ST6GALNAC3: variants seen among roughly 807,000 people sequenced by gnomAD.
The protein encoded by ST6GALNAC3 is alpha-N-acetylgalactosaminide alpha-2,6-sialyltransferase 3.
Under a neutral mutation model 32.7 loss-of-function variants are expected in ST6GALNAC3, and 25 were observed. The ratio of observed to expected loss-of-function variants is 0.76; its 90% CI spans 0.56 to 1.07. The LOEUF (loss-of-function observed/expected upper bound fraction) is 1.07, where lower values mean the gene tolerates loss of function less well. ST6GALNAC3 is among the 50% of genes least tolerant of loss of function. The pLI is 0.00. For missense variants in ST6GALNAC3, 355 were observed against 382.4 expected (o/e 0.93, Z 0.60); for synonymous variants, 129 against 133.1 (o/e 0.97, Z 0.21).
At chr1:76,578,719 G>A (rs315030) in intron 3 of ST6GALNAC3, among the ~76,000 whole-genome samples, 44,670 of 151,646 alleles carry the variant, frequency 0.29, 7,196 homozygotes, top group African/African-American at 0.44. Context: ...ACATGGACTC[G>A]TTTTACATAC....
At chr1:76,544,492 A>AT (rs1474733405) in intron 3 of ST6GALNAC3, among the ~76,000 whole-genome samples, 1 of 152,192 alleles carries the variant, frequency 6.6e-6, no homozygotes, top group African/African-American at 2.4e-5. Flanking sequence ...TGAAACTAGA[A>AT]TTTTTGAGAC....
intron 2 of ST6GALNAC3, among the ~76,000 whole-genome samples, chr1:76,347,168 A>G (rs1338351554): frequency 2.6e-5 from 4 of 152,204 alleles, no homozygotes; most frequent in Non-Finnish European, 5.9e-5. Flanking sequence ...TGATGTTAGC[A>G]TGTAGAAAAT....
chr1:76,082,534 G>A (rs964277942), intron 1 of ST6GALNAC3, among the ~76,000 whole-genome samples: 6 of 152,242 alleles, frequency 3.9e-5, no homozygotes, highest in African/African-American at 1.4e-4. Flanking sequence ...CAAATGAGGT[G>A]AAGGGATTAT....
At chr1:76,285,523 T>TA (rs1168451607) in intron 1 of ST6GALNAC3, among the ~76,000 whole-genome samples, 1 of 152,064 alleles carries the variant, frequency 6.6e-6, no homozygotes, top group Admixed American at 6.6e-5. Context: ...AAATCAAGAA[T>TA]AAAAAATGAA....
intron 2 of ST6GALNAC3, among the ~76,000 whole-genome samples, chr1:76,388,680 G>A (rs1480033085): frequency 6.6e-6 from 1 of 152,168 alleles, no homozygotes; most frequent in Admixed American, 6.6e-5. Context: ...TGAAGCTTCA[G>A]TGAACTGATT....
At chr1:76,337,727 A>C (rs1217571419) in intron 2 of ST6GALNAC3, among the ~76,000 whole-genome samples, 1 of 152,094 alleles carries the variant, frequency 6.6e-6, no homozygotes, top group Non-Finnish European at 1.5e-5. Context: ...GCCCTAAACA[A>C]CACTCATGAG....
At chr1:76,154,545 C>T (rs544675738) in intron 1 of ST6GALNAC3, among the ~76,000 whole-genome samples, 77 of 152,288 alleles carry the variant, frequency 5.1e-4, no homozygotes, top group African/African-American at 1.8e-3. Context: ...GTTAGTGAAA[C>T]GTGATTGTAA....
intron 3 of ST6GALNAC3, among the ~76,000 whole-genome samples, chr1:76,514,673 G>A (rs1426749892): frequency 6.6e-6 from 1 of 152,122 alleles, no homozygotes; most frequent in African/African-American, 2.4e-5. Flanking sequence ...CGCAGCAAAA[G>A]CCCTTGCAAA....
chr1:76,464,700 A>G lies in ST6GALNAC3; in HGVS notation c.623+52283A>G, dbSNP rs150243538. Among the ~76,000 whole-genome samples the G allele has an allele frequency of 6.8e-4, 104 of 152,336 alleles. 1 individual carries two copies. Among genetic ancestry groups the G allele is most frequent in the African/African-American group, 2.4e-3 (101 of 41,592 alleles). On this transcript the variant is annotated intron_variant, in intron 3 of 4. Transcript: ENST00000328299. ...TGTATATCAGGCATTCTACTTCACA[A>G]GCATCCTACTAGAATCTTTAAATTA...
chr1:76,491,426 G>A lies in ST6GALNAC3; in HGVS notation c.623+79009G>A, dbSNP rs189884517. Among the ~76,000 whole-genome samples, 5 of 152,196 alleles carry A rather than the reference G, an allele frequency of 3.3e-5. No homozygotes were observed. In the East Asian group the frequency reaches 9.7e-4, roughly 30 times the overall value. ...CTTGATACAGATCATGTATTTTCCT[G>A]ACTTGTTTCCTACTTCTTCCACAGT... On this transcript the variant is annotated intron_variant, in intron 3 of 4. Coordinates refer to ENST00000328299, the MANE Select transcript of ST6GALNAC3 (RefSeq NM_152996.4).
At chr1:76,216,707 C>T (rs1352166692) in intron 1 of ST6GALNAC3, among the ~76,000 whole-genome samples, 2 of 152,142 alleles carry the variant, frequency 1.3e-5, no homozygotes, top group Non-Finnish European at 2.9e-5. Context: ...GAGTGAAATC[C>T]AATGTGGAAA....
At chr1:76,306,602 A>C (rs1661067698) in intron 1 of ST6GALNAC3, among the ~76,000 whole-genome samples, 1 of 151,784 alleles carries the variant, frequency 6.6e-6, no homozygotes, top group African/African-American at 2.4e-5. Context: ...TCTTCTGTGC[A>C]AAAAGCCAGT....
At chr1:76,541,748 AT>A (rs1314025240) in intron 3 of ST6GALNAC3, among the ~76,000 whole-genome samples, 3 of 152,194 alleles carry the variant, frequency 2.0e-5, no homozygotes, top group African/African-American at 7.2e-5. Flanking sequence ...TGTGTATCAC[AT>A]GGCTGGAGTA....
chr1:76,576,666 T>A (rs1646813594), intron 3 of ST6GALNAC3, among the ~76,000 whole-genome samples: 1 of 152,028 alleles, frequency 6.6e-6, no homozygotes, highest in Admixed American at 6.6e-5. Flanking sequence ...AGTTGTATAA[T>A]AATTTTGGAA....
chr1:76,405,962 A>G (rs1470063966), intron 2 of ST6GALNAC3, among the ~76,000 whole-genome samples: 2 of 152,088 alleles, frequency 1.3e-5, no homozygotes, highest in Non-Finnish European at 2.9e-5. Flanking sequence ...CCCACCCTAC[A>G]GTATCAGAGA....
chr1:76,610,604 G>T (rs560708244), intron 3 of ST6GALNAC3, among the ~76,000 whole-genome samples: 11 of 152,250 alleles, frequency 7.2e-5, no homozygotes, highest in Admixed American at 1.3e-4. Context: ...ATCCCAAGAA[G>T]AGGTGAAAGA....
chr1:76,576,568 G>A (rs376104187), intron 3 of ST6GALNAC3, among the ~76,000 whole-genome samples: 5 of 152,064 alleles, frequency 3.3e-5, no homozygotes, highest in South Asian at 2.1e-4. Context: ...ATTAGCCTTC[G>A]GAGACACAGG....
intron 2 of ST6GALNAC3, among the ~76,000 whole-genome samples, chr1:76,316,147 T>C (rs1302350478): frequency 4.6e-5 from 7 of 152,140 alleles, no homozygotes; most frequent in Non-Finnish European, 1.5e-5. Context: ...GACGAGGATG[T>C]GGAACAACAG....
chr1:76,448,082 G>A (rs1427966006), intron 3 of ST6GALNAC3, among the ~76,000 whole-genome samples: 3 of 152,092 alleles, frequency 2.0e-5, no homozygotes, highest in Non-Finnish European at 4.4e-5. Context: ...GAGAGGAGGG[G>A]GGCTATACCC....
Sources: gnomAD v4.1 joint callset for allele counts (sites outside exome capture counted in the v4.1 genomes callset) on GRCh38, gnomAD v4.1.1 for gene constraint, MANE v1.5 for transcripts, NCBI Gene and HGNC (gene_info 2026-07-23, HGNC 2026-07-21) for gene names.